Variants in RRP12 observed in about 807,000 individuals in gnomAD.
RRP12 encodes ribosomal RNA processing 12 homolog, also known as RRP12-like protein.
In RRP12, 78 loss-of-function variants were observed where a neutral mutation model predicts 157.3. That is an observed-to-expected ratio of 0.50 (90% confidence interval 0.41 to 0.60). The LOEUF is 0.60. Among genes scored for constraint, RRP12 ranks in the 20% least tolerant of loss-of-function variants. The pLI, the probability that RRP12 is intolerant of heterozygous loss-of-function variation, is 0.00. For synonymous variants in RRP12, 726 were observed against 670.9 expected, an observed-to-expected ratio of 1.08 and a Z score of -1.27; for missense variants, 1,521 against 1,679.9, an observed-to-expected ratio of 0.91 and a Z score of 1.65.
chr10:97,373,591 G>A lies in RRP12; in HGVS notation c.2010C>T (p.Thr670=). ...TVCQALRTLI[T]KGCQAEADRA... ...CACACGTACCTGCCTGGCAGCCCTT[G>A]GTGATGAGGGTGCGCAGGGCCTGGC... is the stretch of plus-strand genomic sequence containing the variant. Residue 670 remains threonine, a synonymous_variant, in exon 17 of 34, where the codon ACC becomes ACT. Coordinates refer to ENST00000370992, the MANE Select transcript of RRP12 (RefSeq NM_015179.4). 1 of 1,604,264 alleles carries A rather than the reference G, an allele frequency of 6.2e-7. No individual in the cohort carries two copies. The highest frequency in any genetic ancestry group is 8.5e-7 in the Non-Finnish European group (1 of 1,173,670).
chr10:97,370,446 G>A lies in RRP12; in HGVS notation c.2689+9C>T, dbSNP rs559963387. The A allele has an allele frequency of 6.9e-6, 11 of 1,583,352 alleles. No homozygotes were observed. Among genetic ancestry groups the A allele is most frequent in the East Asian group, 2.2e-5 (1 of 44,722 alleles). On this transcript the variant is annotated intron_variant, in intron 23 of 33. Transcript: ENST00000370992. ...GCAGAGTGTCCACCCCCAGCCCCCT[G>A]GGCCTCACCTTCCTGGTTCGAGCCA... is the stretch of plus-strand genomic sequence containing the variant.
At chr10:97,395,421 G>A (rs922345368) in intron 3 of RRP12, among the ~76,000 whole-genome samples, 2 of 151,030 alleles carry the variant, frequency 1.3e-5, no homozygotes, top group African/African-American at 4.9e-5. Flanking sequence ...GTGTGGTGGC[G>A]CACGCCTGTA....
intron 10 of RRP12, among the ~76,000 whole-genome samples, chr10:97,382,139 C>T (rs986813222): frequency 6.6e-6 from 1 of 152,082 alleles, no homozygotes; most frequent in African/African-American, 2.4e-5. Flanking sequence ...AAATACCCTT[C>T]CAGAAGTTCT....
intron 15 of RRP12, among the ~76,000 whole-genome samples, chr10:97,377,842 C>A (rs1788730928): frequency 1.6e-5 from 2 of 124,456 alleles, no homozygotes; most frequent in East Asian, 2.4e-4. Context: ...AAGACTTCAT[C>A]TCAAAAAAAA....
chr10:97,397,967 T>G lies in RRP12; in HGVS notation c.370-1666A>C, dbSNP rs1302208795. Among the ~76,000 whole-genome samples, 3 of 123,898 alleles carry G rather than the reference T, an allele frequency of 2.4e-5. 1 individual carries two copies. Among genetic ancestry groups the G allele is most frequent in the Non-Finnish European group, 5.0e-5 (3 of 59,576 alleles). 81.3% of individuals were successfully genotyped at this position (123,898 alleles called of 152,430 possible). On this transcript the variant is annotated intron_variant, in intron 2 of 33. Transcript: ENST00000370992. ...CTAATCACATTTTGGTAAACCTAAA[T>G]AACAAAATTGGGTAAAAAAAAATAC...
intron 15 of RRP12, among the ~76,000 whole-genome samples, chr10:97,378,659 C>G (rs1844376650): frequency 6.6e-6 from 1 of 152,070 alleles, no homozygotes; most frequent in African/African-American, 2.4e-5. Flanking sequence ...GAGTTTGAGA[C>G]CAGTCTGGCT....
chr10:97,378,036 G>C (rs889047634), intron 15 of RRP12, among the ~76,000 whole-genome samples: 2 of 152,040 alleles, frequency 1.3e-5, no homozygotes, highest in African/African-American at 4.8e-5. Context: ...GCCTGAGTCT[G>C]CCTAAGGCCT....
chr10:97,388,348 C>A lies in RRP12; in HGVS notation c.921G>T (p.Met307Ile), dbSNP rs1162205035. Residue 307 changes from methionine (M) to isoleucine (I), a missense_variant, in exon 8 of 34, where the codon ATG (methionine) becomes ATT (isoleucine). Coordinates refer to ENST00000370992, the MANE Select transcript of RRP12 (RefSeq NM_015179.4). ...GCAGCAGGTCCTTCAGCAGCGTCAG[C>A]ATGTGCAGCGTGGTGGTGGCCTCCT... ...GSKEATTTLH[M>I]LTLLKDLLPC... 1.2e-6 allele frequency: 2 copies of A among 1,613,798 alleles called. No homozygotes were observed. The highest frequency in any genetic ancestry group is 1.7e-6 in the Non-Finnish European group (2 of 1,180,026).
chr10:97,379,258 G>A (rs1307416216), intron 15 of RRP12, 35 bp downstream of exon 15: 1 of 1,610,738 alleles, frequency 6.2e-7, no homozygotes, highest in Non-Finnish European at 8.5e-7. Context: ...ACTGTGGGGA[G>A]CCTCAGGTCA....
intron 8 of RRP12, among the ~76,000 whole-genome samples, chr10:97,387,643 TA>T (rs11316168): frequency 0.39 from 56,621 of 146,106 alleles, 11,164 homozygotes; most frequent in African/African-American, 0.5. Context: ...TTAAAGCTGC[TA>T]AAAAAAAAAA....
chr10:97,385,920 G>A lies in RRP12; in HGVS notation c.1091C>T (p.Ala364Val). ...HARPGLSTLS[A>V]ELNAQIITAL... ...CGTGATGATCTGGGCGTTGAGCTCT[G>A]CTGACAGGGTGCTCAGGCCAGGCCT... is the stretch of plus-strand genomic sequence containing the variant. Residue 364 changes from alanine (A) to valine (V), a missense_variant, in exon 9 of 34, where the codon GCA becomes GTA. Physicochemically the swap from Ala to Val is moderately conservative, Grantham distance 64. Coordinates refer to ENST00000370992, the MANE Select transcript of RRP12 (RefSeq NM_015179.4). 6.2e-7 allele frequency: 1 copy of A among 1,606,780 alleles called. No individual in the cohort carries two copies. Among genetic ancestry groups the A allele is most frequent in the African/African-American group, 1.3e-5 (1 of 74,948 alleles).
intron 26 of RRP12, 21 bp from the exon 27 acceptor site, chr10:97,366,930 C>G (rs374666952): frequency 2.9e-5 from 47 of 1,610,624 alleles, no homozygotes; most frequent in Non-Finnish European, 3.5e-5. Context: ...CAAGGAAGGG[C>G]TGGTGAGAGG....
At position 97,381,725 on chromosome 10, in the gene RRP12, T is replaced by G. The variant is rs1844473159; in HGVS notation, c.1310A>C (p.Gln437Pro). The part of the protein sequence containing the change: ...PHSQVLTAAT[Q>P]SLKEILKECV... ...CTAAAGTTGCAGTACCTTGAGGCTCTGCGTAGCAGCAGTCAGCACTTGCGA... is the reference window on the plus strand; with the variant it reads ...CTAAAGTTGCAGTACCTTGAGGCTCGGCGTAGCAGCAGTCAGCACTTGCGA... The change falls in exon 11 of 34, where the codon CAG becomes CCG. Residue 437 changes from glutamine (Q) to proline (P), a missense_variant. Coordinates refer to ENST00000370992, the MANE Select transcript of RRP12 (RefSeq NM_015179.4). The G allele has an allele frequency of 6.2e-7, 1 of 1,613,626 alleles. No homozygotes were observed.
Position 97,385,940 on chromosome 10 carries a change from A to T in RRP12, c.1071T>A (p.Pro357=). 6.2e-7 allele frequency: 1 copy of T among 1,607,454 alleles called. No homozygotes were observed. The highest frequency in any genetic ancestry group is 8.5e-7 in the Non-Finnish European group (1 of 1,177,168). The change falls in exon 9 of 34, where the codon CCT becomes CCA. Residue 357 remains proline, a synonymous_variant. Coordinates refer to ENST00000370992, the MANE Select transcript of RRP12 (RefSeq NM_015179.4). ...GCTCTGCTGACAGGGTGCTCAGGCC[A>T]GGCCTGGCGTGGAAGAGGCTGTGAA... is the stretch of plus-strand genomic sequence containing the variant. The part of the protein sequence containing the change: ...QAFHSLFHAR[P]GLSTLSAELN...
At chr10:97,383,013 C>T (rs776276600) in intron 10 of RRP12, among the ~76,000 whole-genome samples, 2 of 152,182 alleles carry the variant, frequency 1.3e-5, no homozygotes, top group South Asian at 2.1e-4. Flanking sequence ...CTGCCCATCT[C>T]GGTCTCCTAA....
chr10:97,381,631 G>C, intron 11 of RRP12, 84 bp downstream of exon 11: 1 of 1,320,786 alleles, frequency 7.6e-7, no homozygotes, highest in African/African-American at 1.5e-5. Flanking sequence ...GCCCGAGCTG[G>C]TAGCCTGGGG....
chr10:97,362,517 T>G (rs984192280), intron 30 of RRP12, among the ~76,000 whole-genome samples: 7 of 152,052 alleles, frequency 4.6e-5, no homozygotes, highest in African/African-American at 1.7e-4. Flanking sequence ...GGCAGACGAC[T>G]GCCATCACCT....
intron 3 of RRP12, among the ~76,000 whole-genome samples, chr10:97,394,590 A>G (rs961071484): frequency 1.6e-4 from 25 of 152,080 alleles, no homozygotes; most frequent in Admixed American, 5.9e-4. Context: ...GGGTCCCACT[A>G]TATTGCACAG....
intron 4 of RRP12, chr10:97,393,414 G>A (rs1008638454): frequency 8.8e-5 from 53 of 605,100 alleles, no homozygotes; most frequent in Admixed American, 7.7e-4. Flanking sequence ...CACACACCAC[G>A]TGAAGATTTT....
Sources: gnomAD v4.1 joint callset for allele counts (sites outside exome capture counted in the v4.1 genomes callset) on GRCh38, gnomAD v4.1.1 for gene constraint, MANE v1.5 for transcripts, NCBI Gene and HGNC (gene_info 2026-07-23, HGNC 2026-07-21) for gene names.